Variants in FBXO17 observed in about 807,000 individuals in gnomAD.
FBXO17 encodes the protein F-box protein 17, also known as F-box only protein 17.
Under a neutral mutation model 34.1 loss-of-function variants are expected in FBXO17, and 43 were observed. The ratio of observed to expected loss-of-function variants is 1.26; its 90% CI spans 0.99 to 1.62. The LOEUF is 1.62. Ranked by LOEUF, FBXO17 falls within the 40% of genes most tolerant of loss-of-function variation. FBXO17 has a pLI of 0.00. For missense variants in FBXO17, 424 were observed against 386.7 expected (o/e 1.10, Z -0.81); for synonymous variants, 169 against 166.0 (o/e 1.02, Z -0.14).
chr19:38,969,000 A>G (rs922374914), intron 1 of FBXO17, among the ~76,000 whole-genome samples: 8 of 152,142 alleles, frequency 5.3e-5, no homozygotes, highest in African/African-American at 1.7e-4. Context: ...AAAAGCCACA[A>G]AGTTGTCCAC....
intron 1 of FBXO17, among the ~76,000 whole-genome samples, chr19:38,970,152 A>G (rs1300015202): frequency 2.0e-5 from 3 of 151,988 alleles, no homozygotes; most frequent in Admixed American, 1.3e-4. Flanking sequence ...TACAAATACA[A>G]AATAAGGAAT....
chr19:38,973,339 C>T (rs1975414867), intron 1 of FBXO17, among the ~76,000 whole-genome samples: 2 of 152,096 alleles, frequency 1.3e-5, no homozygotes, highest in African/African-American at 4.8e-5. Context: ...TGTGCCACTG[C>T]ACTCCAGCCT....
At chr19:38,947,575 A>G (rs1296287476) in intron 3 of FBXO17, among the ~76,000 whole-genome samples, 1 of 152,160 alleles carries the variant, frequency 6.6e-6, no homozygotes, top group Non-Finnish European at 1.5e-5. Context: ...CAACAAAATG[A>G]GACTCTATCT....
chr19:38,948,272 G>A (rs377665599), intron 3 of FBXO17, among the ~76,000 whole-genome samples: 18 of 152,150 alleles, frequency 1.2e-4, no homozygotes, highest in Admixed American at 5.9e-4. Flanking sequence ...CACCGTGCCC[G>A]GCCCAAAACC....
At chr19:38,962,197 A>T (rs527648788) in intron 1 of FBXO17, among the ~76,000 whole-genome samples, 167 of 151,850 alleles carry the variant, frequency 1.1e-3, no homozygotes, top group Non-Finnish European at 1.6e-3. Context: ...TCTCAAAAAA[A>T]AAAAATAAAA....
chr19:38,965,503 T>G (rs952989769), intron 1 of FBXO17, among the ~76,000 whole-genome samples: 1 of 151,978 alleles, frequency 6.6e-6, no homozygotes, highest in Non-Finnish European at 1.5e-5. Flanking sequence ...AATTTTAGTA[T>G]TTTTATTTTT....
In FBXO17 at chr19:38,958,406, C is replaced by CA. The variant is rs61007658; in HGVS notation, c.-17-8071dup. On this transcript the variant is annotated intron_variant, in intron 1 of 5. Coordinates refer to ENST00000292852, the MANE Select transcript of FBXO17 (RefSeq NM_024907.7). ...CTGGGCAACAAGAGTGAAACTGTCT[C>CA]AAAAAAAAAAAAAAAAAAAAAAGGA... Among the ~76,000 whole-genome samples, 424 of 98,546 alleles carry CA rather than the reference C, an allele frequency of 4.3e-3. 3 individuals carry two copies. Among genetic ancestry groups the CA allele is most frequent in the South Asian group, 0.01 (26 of 2,488 alleles). The allele number at this position is 98,546 out of a possible 152,430, so 64.7% of individuals were successfully genotyped here.
At chr19:38,951,920 A>C (rs943558676) in intron 1 of FBXO17, among the ~76,000 whole-genome samples, 30 of 152,136 alleles carry the variant, frequency 2.0e-4, no homozygotes, top group Middle Eastern at 3.4e-3. Context: ...AAGTGCTGGG[A>C]TTATAGGCTT....
chr19:38,962,900 CG>C (rs1340232966), intron 1 of FBXO17, among the ~76,000 whole-genome samples: 1 of 151,778 alleles, frequency 6.6e-6, no homozygotes, highest in African/African-American at 2.4e-5. Context: ...GTAGTAGGGA[CG>C]GGGTTTCACC....
At chr19:38,958,537 A>G (rs1975201545) in intron 1 of FBXO17, among the ~76,000 whole-genome samples, 1 of 152,084 alleles carries the variant, frequency 6.6e-6, no homozygotes, top group African/African-American at 2.4e-5. Flanking sequence ...GTTGAAAAGT[A>G]CCCACTGCAA....
At chr19:38,960,326 G>A (rs551254501) in intron 1 of FBXO17, among the ~76,000 whole-genome samples, 2 of 151,110 alleles carry the variant, frequency 1.3e-5, no homozygotes, top group African/African-American at 4.9e-5. Flanking sequence ...ACTGGGATCA[G>A]CTATGCGGTC....
In FBXO17 at chr19:38,954,895, T is replaced by TTTATTA. The variant is rs139274792; in HGVS notation, c.-17-4565_-17-4560dup. On this transcript the variant is annotated intron_variant, in intron 1 of 5. Coordinates refer to ENST00000292852, the MANE Select transcript of FBXO17 (RefSeq NM_024907.7). ...TGCGCCTGCCCTGACAATGTGTTATTTTATTATTATTATTATTATTATTAT... is the reference window on the plus strand; with the variant it reads ...TGCGCCTGCCCTGACAATGTGTTATTTTATTATTATTATTATTATTATTATTATTAT... 7.0e-3 allele frequency among the ~76,000 whole-genome samples: 935 copies of TTTATTA among 134,182 alleles called. 7 individuals are homozygous for TTTATTA. Among genetic ancestry groups the TTTATTA allele is most frequent in the South Asian group, 0.013 (53 of 4,178 alleles). The allele number at this position is 134,182 out of a possible 152,430, so 88.0% of individuals were successfully genotyped here.
At chr19:38,966,620 T>C (rs906857165) in intron 1 of FBXO17, among the ~76,000 whole-genome samples, 1 of 151,978 alleles carries the variant, frequency 6.6e-6, no homozygotes, top group Admixed American at 6.6e-5. Flanking sequence ...AAGAAATGGA[T>C]TGGATGAGTT....
chr19:38,960,196 C>T (rs1179176361), intron 1 of FBXO17, among the ~76,000 whole-genome samples: 1 of 152,010 alleles, frequency 6.6e-6, no homozygotes, highest in African/African-American at 2.4e-5. Flanking sequence ...GAAAATTCTG[C>T]ACAAAAAATA....
At position 38,948,749 on chromosome 19, in the gene FBXO17, A is replaced by G. The variant is rs1600190417; in HGVS notation, c.350-71T>C. ...CCCAGAAGAGACCCCGCAACCAGCC[A>G]GCTTGTGCTGTCCACCAGCCTCTCC... On this transcript the variant is annotated intron_variant, in intron 2 of 5. Coordinates refer to ENST00000292852, the MANE Select transcript of FBXO17 (RefSeq NM_024907.7). 7.4e-6 allele frequency: 10 copies of G among 1,352,478 alleles called. No homozygotes were observed. In the East Asian group the frequency reaches 2.3e-4, roughly 31 times the overall value. 83.8% of individuals were successfully genotyped at this position (1,352,478 alleles called of 1,614,324 possible).
chr19:38,950,018 A>G lies in FBXO17; in HGVS notation c.302T>C (p.Leu101Pro), dbSNP rs1469944273. ...FPLCALARYC[L>P]RAPFGRNLIF... ...GAGATTGCGGCCGAAGGGCGCGCGC[A>G]GACAGTAGCGCGCCAGGGCGCACAG... Residue 101 changes from leucine to proline, a missense_variant, in exon 2 of 6, where the codon CTG becomes CCG. Coordinates refer to ENST00000292852, the MANE Select transcript of FBXO17 (RefSeq NM_024907.7). 4.5e-6 allele frequency: 7 copies of G among 1,561,452 alleles called. No homozygotes were observed. Among genetic ancestry groups the G allele is most frequent in the Non-Finnish European group, 6.1e-6 (7 of 1,154,602 alleles).
At chr19:38,949,202 A>C (rs1469767743) in intron 2 of FBXO17, among the ~76,000 whole-genome samples, 1 of 152,122 alleles carries the variant, frequency 6.6e-6, no homozygotes, top group East Asian at 1.9e-4. Flanking sequence ...CCCAGGTTCA[A>C]GCAATTTTCC....
chr19:38,954,361 C>G (rs1975131196), intron 1 of FBXO17, among the ~76,000 whole-genome samples: 1 of 151,894 alleles, frequency 6.6e-6, no homozygotes, highest in Non-Finnish European at 1.5e-5. Context: ...CCTCCACCTC[C>G]TGGGTTCAAG....
rs1974901114 is a variant in FBXO17 at position 38,942,353 on chromosome 19, C to T, written c.*255G>A. 3.4e-6 allele frequency: 1 copy of T among 292,182 alleles called. No homozygotes were observed. The highest frequency in any genetic ancestry group is 6.2e-6 in the Non-Finnish European group (1 of 162,152). The allele number at this position is 292,182 out of a possible 1,614,324, so 18.1% of individuals were successfully genotyped here. On this transcript the variant is annotated 3_prime_UTR_variant, in exon 6 of 6. Transcript: ENST00000292852. ...CACGGCTCACTGCAGCCTCAACCTC[C>T]TGGTCTCAGGCAATCCTCCCACCCA...
Sources: gnomAD v4.1 joint callset for allele counts (sites outside exome capture counted in the v4.1 genomes callset) on GRCh38, gnomAD v4.1.1 for gene constraint, MANE v1.5 for transcripts, NCBI Gene and HGNC (gene_info 2026-07-23, HGNC 2026-07-21) for gene names.